PDE1C: variants seen among roughly 807,000 people sequenced by gnomAD.
PDE1C encodes dual specificity calcium/calmodulin-dependent 3',5'-cyclic nucleotide phosphodiesterase 1C.
A neutral mutation model predicts 93.1 loss-of-function variants in PDE1C; 62 were observed. That is an observed-to-expected ratio of 0.67 (90% CI 0.54 to 0.82). PDE1C has a LOEUF of 0.82. Ranked by LOEUF, PDE1C falls within the 40% of genes least tolerant of loss-of-function variation. The probability of loss-of-function intolerance (pLI) is 0.00; values close to 1 mark genes in which losing one functional copy is unlikely to be tolerated. For missense variants in PDE1C, 742 were observed against 884.6 expected (o/e 0.84, Z 2.04); for synonymous variants, 325 against 310.1 (o/e 1.05, Z -0.50).
intron 1 of PDE1C, among the ~76,000 whole-genome samples, chr7:32,232,092 T>C (rs115077083): frequency 0.013 from 2,050 of 152,132 alleles, 51 homozygotes; most frequent in African/African-American, 0.046. Flanking sequence ...ACAGAATGCA[T>C]GGAACACCTA....
At position 32,275,527 on chromosome 7, in the gene PDE1C, T is replaced by C. The variant is rs189589527; in HGVS notation, c.85+23124A>G. ...AGCCAGTGAACATAAAAGCACATTT[T>C]AGGGAAGAGTTTGACATCAAACAAA... On this transcript the variant is annotated intron_variant, in intron 1 of 18. Coordinates refer to the PDE1C transcript ENST00000396193. Among the ~76,000 whole-genome samples the C allele has an allele frequency of 8.8e-4, 134 of 152,200 alleles. 1 individual carries two copies. The highest frequency in any genetic ancestry group is 3.1e-3 in the African/African-American group (127 of 41,524).
At chr7:31,980,071 G>T (rs888873666) in intron 2 of PDE1C, among the ~76,000 whole-genome samples, 4 of 152,200 alleles carry the variant, frequency 2.6e-5, no homozygotes, top group Non-Finnish European at 5.9e-5. Flanking sequence ...GAAAGGAGGT[G>T]CCCCATGGCT....
intron 2 of PDE1C, among the ~76,000 whole-genome samples, chr7:31,918,053 G>A (rs528797457): frequency 3.9e-5 from 6 of 152,178 alleles, no homozygotes; most frequent in South Asian, 2.1e-4. Flanking sequence ...CAAGAGGTCG[G>A]GGTGATTAGG....
At chr7:32,033,476 A>G (rs182650055) in intron 2 of PDE1C, among the ~76,000 whole-genome samples, 2 of 152,184 alleles carry the variant, frequency 1.3e-5, no homozygotes, top group African/African-American at 4.8e-5. Context: ...ACCTTGGCAA[A>G]AAAACAAAAA....
chr7:31,852,782 C>T (rs1333411151), intron 7 of PDE1C, among the ~76,000 whole-genome samples: 2 of 151,998 alleles, frequency 1.3e-5, no homozygotes, highest in African/African-American at 2.4e-5. Context: ...TTCAATTTTG[C>T]ATAAAATTAT....
intron 11 of PDE1C, among the ~76,000 whole-genome samples, chr7:31,828,658 A>G (rs975107215): frequency 1.3e-5 from 2 of 152,138 alleles, no homozygotes; most frequent in African/African-American, 4.8e-5. Flanking sequence ...GCAACAGGCA[A>G]TATGTCTTGT....
At chr7:31,652,632 G>C in the PDE1C span, 66 of 1,613,688 alleles carry the variant, frequency 4.1e-5, no homozygotes, top group Non-Finnish European at 5.3e-5. Context: ...CCCAGGCATG[G>C]CCCCGAGGAC....
chr7:31,858,307 G>C (rs377310939), intron 7 of PDE1C, among the ~76,000 whole-genome samples: 1 of 152,252 alleles, frequency 6.6e-6, no homozygotes, highest in African/African-American at 2.4e-5. Flanking sequence ...GAGTTTCTGA[G>C]CCATAGAATT....
At chr7:32,083,210 G>A (rs1314251242) in intron 3 of PDE1C, among the ~76,000 whole-genome samples, 1 of 152,040 alleles carries the variant, frequency 6.6e-6, no homozygotes, top group Non-Finnish European at 1.5e-5. Flanking sequence ...GAATGCAGAA[G>A]CCTCAGGAGC....
intron 13 of PDE1C, 64 bp from the exon 14 acceptor site, chr7:31,823,312 C>A: frequency 7.1e-7 from 1 of 1,409,742 alleles, no homozygotes; most frequent in East Asian, 2.3e-5. Context: ...TGCCAATGAG[C>A]AAGCCCAGAG....
chr7:31,649,210 T>C, the PDE1C span, among the ~76,000 whole-genome samples: 1 of 152,198 alleles, frequency 6.6e-6, no homozygotes, highest in Non-Finnish European at 1.5e-5. Flanking sequence ...AAAACATTAC[T>C]CTTAGGAAAG....
rs559545429 is a variant in PDE1C, at chr7:31,820,202, TTATACA to T, written c.1582+2865_1582+2870del. On this transcript the variant is annotated intron_variant, in intron 14 of 17. Transcript: ENST00000396191. ...CCCAATTTGTCGGCAAAATTTTTAC[TTATACA>T]TATGTACAGAAAAGCAAATTACAAA... is the stretch of plus-strand genomic sequence containing the variant. 2.1e-3 allele frequency among the ~76,000 whole-genome samples: 317 copies of T among 152,252 alleles called. 3 individuals carry two copies. Among genetic ancestry groups the T allele is most frequent in the Middle Eastern group, 3.4e-3 (1 of 294 alleles).
At chr7:32,152,769 C>T (rs954936013) in intron 3 of PDE1C, among the ~76,000 whole-genome samples, 2 of 152,146 alleles carry the variant, frequency 1.3e-5, no homozygotes, top group Non-Finnish European at 2.9e-5. Flanking sequence ...TCACTCATCA[C>T]ATTCAGGCAC....
intron 6 of PDE1C, among the ~76,000 whole-genome samples, chr7:31,870,454 A>G (rs1025546310): frequency 1.3e-5 from 2 of 152,118 alleles, no homozygotes; most frequent in Admixed American, 1.3e-4. Flanking sequence ...ACAAAAGGTC[A>G]TCAGAGACTA....
chr7:31,914,989 A>G (rs1056447825), intron 2 of PDE1C, among the ~76,000 whole-genome samples: 3 of 152,160 alleles, frequency 2.0e-5, no homozygotes, highest in African/African-American at 7.2e-5. Flanking sequence ...CCTCACCACA[A>G]GGTAAGGTAT....
intron 16 of PDE1C, among the ~76,000 whole-genome samples, chr7:31,806,829 GACTCCCACTCA>G (rs1452536087): frequency 6.6e-6 from 1 of 151,800 alleles, no homozygotes; most frequent in Non-Finnish European, 1.5e-5. Flanking sequence ...TTGTTAAATT[GACTCCCACTCA>G]TTACCTGACA....
chr7:32,080,526 C>A (rs1796600724), intron 3 of PDE1C, among the ~76,000 whole-genome samples: 2 of 152,204 alleles, frequency 1.3e-5, no homozygotes, highest in Admixed American at 6.5e-5. Flanking sequence ...CCAGAGTTAC[C>A]TTTCAGTGCA....
chr7:31,801,725 ACTT>A (rs1786073466), intron 16 of PDE1C, among the ~76,000 whole-genome samples: 1 of 151,504 alleles, frequency 6.6e-6, no homozygotes, highest in South Asian at 2.1e-4. Context: ...TATGAAATGA[ACTT>A]CTTTATTGCT....
At chr7:31,638,165 T>A in the PDE1C span, among the ~76,000 whole-genome samples, 4,923 of 152,300 alleles carry the variant, frequency 0.032, 297 homozygotes, top group African/African-American at 0.11. Context: ...ATGAATTTTG[T>A]ACCCACAGTT....
Sources: allele counts gnomAD v4.1 joint callset (sites outside exome capture counted in the v4.1 genomes callset), GRCh38; gene constraint gnomAD v4.1.1; transcripts MANE v1.5; gene names NCBI Gene and HGNC (gene_info 2026-07-23, HGNC 2026-07-21).